The following RTN4 variants were observed in gnomAD, a reference collection of about 807,000 sequenced individuals.
The protein encoded by RTN4 is reticulon 4, also known as reticulon-4.
RTN4 carries 32 observed loss-of-function variants against 90.4 expected under a neutral mutation model. The ratio of observed to expected loss-of-function variants is 0.35; its 90% CI spans 0.27 to 0.48. The LOEUF is 0.48. Among genes scored for constraint, RTN4 ranks in the 20% least tolerant of loss-of-function variants. The probability of loss-of-function intolerance (pLI) is 0.99; values close to 1 mark genes in which losing one functional copy is unlikely to be tolerated. For synonymous variants in RTN4, 629 were observed against 552.5 expected, an observed-to-expected ratio of 1.14 and a Z score of -1.94; for missense variants, 1,706 against 1,430.2, an observed-to-expected ratio of 1.19 and a Z score of -3.11.
chr2:55,038,385 T>C (rs1051567000), intron 1 of RTN4, among the ~76,000 whole-genome samples: 1 of 152,022 alleles, frequency 6.6e-6, no homozygotes, highest in African/African-American at 2.4e-5. Context: ...AGACCAAAGA[T>C]TTGTATTCAT....
chr2:55,015,319 C>A (rs1402414881), intron 3 of RTN4, among the ~76,000 whole-genome samples: 2 of 152,100 alleles, frequency 1.3e-5, no homozygotes, highest in African/African-American at 4.8e-5. Context: ...GCAAAATAAT[C>A]CCTAATCGGA....
chr2:55,129,655 G>A, the RTN4 span, among the ~76,000 whole-genome samples: 7 of 152,006 alleles, frequency 4.6e-5, no homozygotes, highest in South Asian at 4.2e-4. Flanking sequence ...TCCACCTCCC[G>A]GGCTCAAGCA....
At chr2:55,090,920 G>A (rs1558875937) in intron 1 of RTN4, among the ~76,000 whole-genome samples, 1 of 152,126 alleles carries the variant, frequency 6.6e-6, no homozygotes, top group Non-Finnish European at 1.5e-5. Context: ...TCTCTATCCA[G>A]GAGATCAGCA....
At chr2:55,076,626 C>T (rs1347902979) in intron 2 of RTN4, among the ~76,000 whole-genome samples, 1 of 152,068 alleles carries the variant, frequency 6.6e-6, no homozygotes, top group Admixed American at 6.5e-5. Context: ...TCTCAAACTC[C>T]TGACCTCAGA....
intron 2 of RTN4, among the ~76,000 whole-genome samples, chr2:55,079,349 A>C (rs1199314411): frequency 6.6e-6 from 1 of 152,158 alleles, no homozygotes. Flanking sequence ...GGAAGGACAG[A>C]CTGGGCTTTG....
At position 55,026,329 on chromosome 2, in the gene RTN4, G is replaced by C. The variant is rs1681870111; in HGVS notation, c.1770C>G (p.Leu590=). The C allele has an allele frequency of 2.5e-6, 4 of 1,613,848 alleles. No individual in the cohort carries two copies. The highest frequency in any genetic ancestry group is 2.2e-5 in the East Asian group (1 of 44,888). Reference sequence around the variant, plus strand: ...ATGGGCAAAGCTGTGCTGCAGGATAGAGTGACTCTTGCATAACTTCTGATG... The same window carrying C: ...ATGGGCAAAGCTGTGCTGCAGGATACAGTGACTCTTGCATAACTTCTGATG... The part of the protein sequence containing the change: ...VQTSEVMQES[L]YPAAQLCPSF... The change falls in exon 3 of 9, where the codon CTC becomes CTG. Residue 590 remains leucine (L), a synonymous_variant. Coordinates refer to ENST00000337526, the MANE Select transcript of RTN4 (RefSeq NM_020532.5).
chr2:54,973,818 T>G lies in RTN4; in HGVS notation c.3477+3A>C. ...TGAAGTCAGCAGTTAGTTAGGAAAT[T>G]ACCTGATGCCGTTCATAAATAACAG... On this transcript the variant is annotated splice_donor_region_variant and intron_variant, in intron 7 of 8. Coordinates refer to ENST00000337526, the MANE Select transcript of RTN4 (RefSeq NM_020532.5). 6.2e-7 allele frequency: 1 copy of G among 1,612,274 alleles called. No individual in the cohort carries two copies. The highest frequency in any genetic ancestry group is 8.5e-7 in the Non-Finnish European group (1 of 1,178,660).
At chr2:54,980,486 A>ATTTTTT (rs1341871140) in intron 5 of RTN4, among the ~76,000 whole-genome samples, 3 of 151,946 alleles carry the variant, frequency 2.0e-5, no homozygotes, top group African/African-American at 7.3e-5. Context: ...ATCAATTTTA[A>ATTTTTT]AAATAGATTT....
At chr2:54,992,673 TA>T (rs1038828540) in intron 3 of RTN4, among the ~76,000 whole-genome samples, 3 of 151,302 alleles carry the variant, frequency 2.0e-5, no homozygotes, top group Non-Finnish European at 3.0e-5. Flanking sequence ...GTGTAGCCAT[TA>T]AAAAAAAGTG....
At chr2:55,087,293 C>G (rs1668858325) in intron 1 of RTN4, among the ~76,000 whole-genome samples, 1 of 152,220 alleles carries the variant, frequency 6.6e-6, no homozygotes, top group South Asian at 2.1e-4. Context: ...AACTGCCAAA[C>G]AGCTTCCTAA....
At chr2:55,136,400 C>A in the RTN4 span, among the ~76,000 whole-genome samples, 7 of 152,198 alleles carry the variant, frequency 4.6e-5, no homozygotes, top group African/African-American at 1.7e-4. Flanking sequence ...CAGAACCATG[C>A]CAATTATAAA....
At chr2:55,106,089 T>C (rs1558882394) in intron 1 of RTN4, among the ~76,000 whole-genome samples, 1 of 152,174 alleles carries the variant, frequency 6.6e-6, no homozygotes, top group Non-Finnish European at 1.5e-5. Context: ...TATGTTCTAC[T>C]ATTTGGGGGG....
rs140536843 is a variant in RTN4 at position 55,081,655 on chromosome 2, G to A, written c.-213-1016C>T. 9.0e-3 allele frequency among the ~76,000 whole-genome samples: 1,363 copies of A among 152,090 alleles called. 10 individuals are homozygous for A. The highest frequency in any genetic ancestry group is 0.016 in the Admixed American group (248 of 15,254). ...AGGCAGGAAGATTGCTTGAGCCCAG[G>A]AGTTCAAGACCAGCCTGGGTAATAT... is the stretch of plus-strand genomic sequence containing the variant. On this transcript the variant is annotated intron_variant, in intron 1 of 3. Transcript: ENST00000427710.
chr2:55,056,596 G>C (rs1030439594), intron 2 of RTN4: 12 of 151,432 alleles, frequency 7.9e-5, no homozygotes, highest in Non-Finnish European at 1.5e-4. Context: ...GTGATGGAGT[G>C]TGTCACCCAA....
chr2:55,018,171 ATGG>A (rs1294392387), intron 3 of RTN4, among the ~76,000 whole-genome samples: 1 of 152,228 alleles, frequency 6.6e-6, no homozygotes, highest in African/African-American at 2.4e-5. Flanking sequence ...CTTTCAGATT[ATGG>A]TGAAGACCTA....
chr2:55,100,618 C>T (rs1331533354), intron 1 of RTN4, among the ~76,000 whole-genome samples: 1 of 152,092 alleles, frequency 6.6e-6, no homozygotes, highest in African/African-American at 2.4e-5. Context: ...CCTAAAAACC[C>T]TACGGAGCTC....
chr2:55,060,459 T>G (rs1668269593), intron 2 of RTN4: 1 of 152,272 alleles, frequency 6.6e-6, no homozygotes, highest in Non-Finnish European at 1.5e-5. Context: ...TCAGTGGAAC[T>G]CATGGTTAAT....
At chr2:55,066,706 AAAT>A (rs1036056784) in intron 2 of RTN4, among the ~76,000 whole-genome samples, 5 of 150,754 alleles carry the variant, frequency 3.3e-5, no homozygotes, top group Admixed American at 3.3e-4. Context: ...ATAAATAAAT[AAAT>A]AAATAAATAA....
chr2:55,077,001 C>G (rs991902216), intron 2 of RTN4, among the ~76,000 whole-genome samples: 1 of 131,250 alleles, frequency 7.6e-6, no homozygotes, highest in Non-Finnish European at 1.6e-5. Context: ...ATTGCCCAGT[C>G]TCAGGCAGTT....
Sources: allele counts gnomAD v4.1 joint callset (sites outside exome capture counted in the v4.1 genomes callset), GRCh38; gene constraint gnomAD v4.1.1; transcripts MANE v1.5; gene names NCBI Gene and HGNC (gene_info 2026-07-23, HGNC 2026-07-21).